NCKAP5: variants seen among roughly 807,000 people sequenced by gnomAD.
The protein encoded by NCKAP5 is NCK associated protein 5.
Under a neutral mutation model 167.0 loss-of-function variants are expected in NCKAP5, and 92 were observed. That is an observed-to-expected ratio of 0.55 (90% CI 0.47 to 0.66). NCKAP5 has a LOEUF of 0.66. Ranked by LOEUF, NCKAP5 falls within the 30% of genes least tolerant of loss-of-function variation. The pLI is 0.00. For missense variants in NCKAP5, 2,378 were observed against 2,315.0 expected, an observed-to-expected ratio of 1.03 and a Z score of -0.56; for synonymous variants, 891 against 877.4, an observed-to-expected ratio of 1.02 and a Z score of -0.27.
At chr2:133,207,137 C>T (rs945143628) in intron 5 of NCKAP5, among the ~76,000 whole-genome samples, 7 of 152,072 alleles carry the variant, frequency 4.6e-5, no homozygotes, top group African/African-American at 1.4e-4. Context: ...TTCATGCACC[C>T]CCTCCCCTTT....
chr2:133,042,283 G>A (rs1310292230), intron 6 of NCKAP5, among the ~76,000 whole-genome samples: 3 of 152,122 alleles, frequency 2.0e-5, no homozygotes, highest in Non-Finnish European at 4.4e-5. Flanking sequence ...TCTGGCAAGT[G>A]GAGTGGGCAT....
chr2:132,711,447 G>A (rs1688838334), intron 19 of NCKAP5, among the ~76,000 whole-genome samples: 1 of 152,212 alleles, frequency 6.6e-6, no homozygotes. Context: ...TCGTCATTTG[G>A]TGGGTGAGAA....
chr2:132,791,633 G>A (rs1334681108), intron 12 of NCKAP5, among the ~76,000 whole-genome samples: 1 of 152,100 alleles, frequency 6.6e-6, no homozygotes, highest in Non-Finnish European at 1.5e-5. Flanking sequence ...CTGTCTTTGT[G>A]TCACTTGCAG....
At chr2:133,250,206 A>G (rs1174931041) in intron 4 of NCKAP5, among the ~76,000 whole-genome samples, 4 of 152,080 alleles carry the variant, frequency 2.6e-5, no homozygotes, top group Admixed American at 1.3e-4. Flanking sequence ...AGGAATACCT[A>G]TTAATCCACA....
the NCKAP5 span, among the ~76,000 whole-genome samples, chr2:133,612,538 G>T: frequency 2.0e-5 from 3 of 152,162 alleles, no homozygotes; most frequent in African/African-American, 7.2e-5. Context: ...TTTTAAAACT[G>T]CAAATGAAGA....
the NCKAP5 span, among the ~76,000 whole-genome samples, chr2:133,587,082 C>A: frequency 3.9e-5 from 6 of 152,176 alleles, no homozygotes; most frequent in Admixed American, 6.5e-5. Flanking sequence ...CCTAATCTAG[C>A]AGGCTACCTG....
chr2:132,827,944 A>C (rs1454185190), intron 11 of NCKAP5, among the ~76,000 whole-genome samples: 1 of 152,192 alleles, frequency 6.6e-6, no homozygotes, highest in Middle Eastern at 3.2e-3. Flanking sequence ...TAGGGGAAGC[A>C]GTACGATATA....
At chr2:133,623,365 A>G in the NCKAP5 span, among the ~76,000 whole-genome samples, 1 of 152,184 alleles carries the variant, frequency 6.6e-6, no homozygotes, top group African/African-American at 2.4e-5. Flanking sequence ...TTAACAGACA[A>G]CCCAGAGGGG....
At chr2:132,944,219 G>C (rs1697522115) in intron 8 of NCKAP5, among the ~76,000 whole-genome samples, 3 of 152,178 alleles carry the variant, frequency 2.0e-5, no homozygotes, top group Admixed American at 2.0e-4. Flanking sequence ...AAGTTGTCAG[G>C]GAAAGAGGGA....
At chr2:133,225,876 G>A (rs1214131697) in intron 4 of NCKAP5, among the ~76,000 whole-genome samples, 12 of 139,538 alleles carry the variant, frequency 8.6e-5, no homozygotes, top group Non-Finnish European at 1.5e-4. Context: ...TCTGACTCCC[G>A]GGTTCAAGAG....
chr2:133,345,661 G>T (rs963891233), intron 3 of NCKAP5, among the ~76,000 whole-genome samples: 1 of 152,172 alleles, frequency 6.6e-6, no homozygotes, highest in Non-Finnish European at 1.5e-5. Flanking sequence ...AGAGCTGAAG[G>T]TCTCAATAAT....
chr2:133,213,825 A>G (rs2086310856), intron 4 of NCKAP5, 46 bp from the exon 5 acceptor site: 1 of 1,587,302 alleles, frequency 6.3e-7, no homozygotes, highest in Admixed American at 1.7e-5. Flanking sequence ...CTCAGGGTAG[A>G]GGTGACACTG....
intron 3 of NCKAP5, among the ~76,000 whole-genome samples, chr2:133,484,761 T>C (rs548864100): frequency 6.6e-6 from 1 of 152,296 alleles, no homozygotes; most frequent in East Asian, 1.9e-4. Context: ...TGAAGTTGGG[T>C]CCCATCCCAA....
intron 6 of NCKAP5, among the ~76,000 whole-genome samples, chr2:133,038,575 T>TATAGTCA (rs1205720302): frequency 6.6e-6 from 1 of 152,098 alleles, no homozygotes; most frequent in Non-Finnish European, 1.5e-5. Context: ...ACAGAAGGAC[T>TATAGTCA]ATAGTCAATA....
At chr2:133,572,977 G>A (rs1688921218), upstream of NCKAP5, among the ~76,000 whole-genome samples, 1 of 152,152 alleles carries the variant, frequency 6.6e-6, no homozygotes, top group Non-Finnish European at 1.5e-5. Flanking sequence ...TTTTGTCCAG[G>A]TTCTTTAGGA....
intron 6 of NCKAP5, among the ~76,000 whole-genome samples, chr2:133,097,310 T>C (rs2081373581): frequency 6.6e-6 from 1 of 152,176 alleles, no homozygotes; most frequent in African/African-American, 2.4e-5. Context: ...TTTTCAAATC[T>C]CTATAGTTTG....
intron 7 of NCKAP5, among the ~76,000 whole-genome samples, chr2:132,983,791 G>T (rs905706319): frequency 3.3e-5 from 5 of 152,216 alleles, no homozygotes; most frequent in South Asian, 2.1e-4. Flanking sequence ...CTGTGCAGGG[G>T]GCACCTCTGG....
chr2:133,331,649 C>A (rs1172721643), intron 3 of NCKAP5, among the ~76,000 whole-genome samples: 1 of 152,152 alleles, frequency 6.6e-6, no homozygotes, highest in Non-Finnish European at 1.5e-5. Flanking sequence ...CATAAACAGC[C>A]AACCCAGGAC....
chr2:133,025,570 A>G (rs1411620709), intron 6 of NCKAP5, among the ~76,000 whole-genome samples: 2 of 152,130 alleles, frequency 1.3e-5, no homozygotes, highest in Non-Finnish European at 2.9e-5. Flanking sequence ...TTTAGAGGAG[A>G]GCCTGACACT....
Sources: gnomAD v4.1 joint callset for allele counts (sites outside exome capture counted in the v4.1 genomes callset) on GRCh38, gnomAD v4.1.1 for gene constraint, MANE v1.5 for transcripts, NCBI Gene and HGNC (gene_info 2026-07-23, HGNC 2026-07-21) for gene names.